The following CAMTA1 variants were observed in gnomAD, a reference collection of about 807,000 sequenced individuals.
The protein encoded by CAMTA1 is calmodulin binding transcription activator 1.
In CAMTA1, 27 loss-of-function variants were observed where a neutral mutation model predicts 170.9. The ratio of observed to expected loss-of-function variants is 0.16; its 90% confidence interval spans 0.12 to 0.22. The LOEUF is 0.22. Ranked by LOEUF, CAMTA1 falls within the 10% of genes least tolerant of loss-of-function variation. The pLI is 1.00. For missense variants in CAMTA1, 1,619 were observed against 2,217.2 expected, an observed-to-expected ratio of 0.73 and a Z score of 5.42; for synonymous variants, 833 against 891.5, an observed-to-expected ratio of 0.93 and a Z score of 1.17.
chr1:7,448,522 C>T lies in CAMTA1; in HGVS notation c.439-19308C>T, dbSNP rs1335866329. On this transcript the variant is annotated intron_variant, in intron 5 of 22. Transcript: ENST00000303635. ...TGTGGGTGGGGGACAGAGCCTGTCC[C>T]AGTCTGTCTGGGCTGCTATAACACA... is the stretch of plus-strand genomic sequence containing the variant. 6.6e-5 allele frequency among the ~76,000 whole-genome samples: 10 copies of T among 152,276 alleles called. No homozygotes were observed. In the East Asian group the frequency reaches 1.7e-3, roughly 26 times the overall value.
In CAMTA1 at chr1:7,766,678, G is replaced by T; in HGVS notation, c.*187G>T. 3.8e-6 allele frequency: 2 copies of T among 526,916 alleles called. No homozygotes were observed. Among genetic ancestry groups the T allele is most frequent in the Non-Finnish European group, 3.4e-6 (1 of 294,968 alleles). The allele number at this position is 526,916 out of a possible 1,614,324, so 32.6% of individuals were successfully genotyped here. ...GCAGGATTTTAACAGGAATGTTTTG[G>T]TCATTGCATTTGCACTTTCATGGAC... On this transcript the variant is annotated 3_prime_UTR_variant, in exon 23 of 23. Coordinates refer to ENST00000303635, the MANE Select transcript of CAMTA1 (RefSeq NM_015215.4).
intron 3 of CAMTA1, among the ~76,000 whole-genome samples, chr1:6,882,263 A>G (rs1166853133): frequency 1.3e-5 from 2 of 152,244 alleles, no homozygotes; most frequent in East Asian, 3.8e-4. Context: ...GCAACAGCCA[A>G]GCTAAGTAGT....
intron 4 of CAMTA1, among the ~76,000 whole-genome samples, chr1:7,241,115 A>G (rs1664789883): frequency 1.3e-5 from 2 of 152,256 alleles, no homozygotes; most frequent in Admixed American, 1.3e-4. Flanking sequence ...TAAGATCAAC[A>G]TACAAAATTC....
intron 11 of CAMTA1, among the ~76,000 whole-genome samples, chr1:7,728,395 C>T (rs1298737316): frequency 6.6e-6 from 1 of 152,250 alleles, no homozygotes; most frequent in Non-Finnish European, 1.5e-5. Context: ...GACCACAGCT[C>T]AGAGAGCACC....
chr1:7,327,392 G>A (rs1383801862), intron 5 of CAMTA1, among the ~76,000 whole-genome samples: 7 of 125,908 alleles, frequency 5.6e-5, no homozygotes, highest in African/African-American at 2.2e-4. Context: ...GGGCAACAGA[G>A]TGAGACTCCA....
intron 6 of CAMTA1, among the ~76,000 whole-genome samples, chr1:7,470,144 C>A (rs1575492338): frequency 6.6e-6 from 1 of 152,236 alleles, no homozygotes. Context: ...TCTGTGTCCT[C>A]CAGCATCAGA....
At chr1:7,184,823 G>A (rs10864286) in intron 4 of CAMTA1, among the ~76,000 whole-genome samples, 44,255 of 152,074 alleles carry the variant, frequency 0.29, 6,664 homozygotes, top group Non-Finnish European at 0.34. Context: ...GAAAGCAGCC[G>A]TATTTCAAAT....
intron 3 of CAMTA1, among the ~76,000 whole-genome samples, chr1:6,879,148 T>G (rs1670755421): frequency 1.3e-5 from 2 of 152,218 alleles, no homozygotes; most frequent in African/African-American, 2.4e-5. Context: ...ATCTTCACAT[T>G]AAAGAATATG....
chr1:7,617,717 A>AT (rs1298479566), intron 6 of CAMTA1, among the ~76,000 whole-genome samples: 1 of 109,156 alleles, frequency 9.2e-6, no homozygotes, highest in Non-Finnish European at 1.7e-5. Context: ...ATGCATACAC[A>AT]TAAGGTCTAA....
rs115981128 is a variant in CAMTA1, at chr1:7,249,921, G to C, written c.438+295G>C. Among the ~76,000 whole-genome samples, 950 of 152,250 alleles carry C rather than the reference G, an allele frequency of 6.2e-3. 12 individuals are homozygous for C. Among genetic ancestry groups the C allele is most frequent in the African/African-American group, 0.022 (920 of 41,526 alleles). On this transcript the variant is annotated intron_variant, in intron 5 of 22. Coordinates refer to ENST00000303635, the MANE Select transcript of CAMTA1 (RefSeq NM_015215.4). The surrounding 1 kb of genome is among the most constrained non-coding windows in gnomAD (Gnocchi z 4.4). ...CTCATTTGTTGTATTTATCACGGAA[G>C]AGCCTCTGGATGCATTGAGAGTTTG...
chr1:7,273,484 A>G (rs1363610943), intron 5 of CAMTA1, among the ~76,000 whole-genome samples: 1 of 152,232 alleles, frequency 6.6e-6, no homozygotes, highest in African/African-American at 2.4e-5. Flanking sequence ...AAGACCATAT[A>G]TTATGTGATA....
intron 3 of CAMTA1, among the ~76,000 whole-genome samples, chr1:6,996,689 AAAAGAAAG>A (rs575454704): frequency 1.1e-4 from 17 of 151,224 alleles, no homozygotes; most frequent in South Asian, 4.2e-4. Context: ...ATTTAAAAAA[AAAAGAAAG>A]AAAGAAAGAA....
intron 5 of CAMTA1, among the ~76,000 whole-genome samples, chr1:7,282,623 C>G (rs1671679535): frequency 6.6e-6 from 1 of 152,152 alleles, no homozygotes; most frequent in Admixed American, 6.5e-5. Context: ...CCTTCTGGAT[C>G]TAAAGCTCTA....
chr1:7,744,781 A>G lies in CAMTA1; in HGVS notation c.4183-54A>G, dbSNP rs563082912. On this transcript the variant is annotated intron_variant, in intron 16 of 22. Coordinates refer to ENST00000303635, the MANE Select transcript of CAMTA1 (RefSeq NM_015215.4). ...AGGCGAGGCAGGGAGGTAGACCTGG[A>G]TAACTTGTAAGGTTCCTTTCTAACC... 8.6e-6 allele frequency: 13 copies of G among 1,518,888 alleles called. No individual in the cohort carries two copies. The South Asian group carries it at 1.4e-4, about 16-fold the overall frequency. 94.1% of individuals were successfully genotyped at this position (1,518,888 alleles called of 1,614,324 possible). A position where few individuals can be genotyped will look rare whatever the true frequency, so the allele number is the denominator to read the frequency against.
intron 5 of CAMTA1, among the ~76,000 whole-genome samples, chr1:7,276,608 C>T (rs1200182747): frequency 6.6e-6 from 1 of 152,022 alleles, no homozygotes; most frequent in Non-Finnish European, 1.5e-5. Flanking sequence ...CGTGCCCAGG[C>T]ACCTGATCAT....
At chr1:7,441,141 T>C (rs1043183731) in intron 5 of CAMTA1, 2 of 152,230 alleles carry the variant, frequency 1.3e-5, no homozygotes, top group Non-Finnish European at 2.9e-5. Flanking sequence ...TTGTGGAGTT[T>C]TCTACTTCTG....
intron 6 of CAMTA1, among the ~76,000 whole-genome samples, chr1:7,469,740 G>T (rs984529257): frequency 6.6e-6 from 1 of 152,202 alleles, no homozygotes; most frequent in Admixed American, 6.5e-5. Flanking sequence ...TGCCCTTGTG[G>T]CTTTTTAATT....
rs142988985 is a variant in CAMTA1, at chr1:7,290,286, A to G, written c.438+40660A>G. On this transcript the variant is annotated intron_variant, in intron 5 of 22. Transcript: ENST00000303635. ...CCTTTGGCCTGGAGCTTTTTCCTGC[A>G]TCATATTCAGTCCCTCTGGATTTAG... 3.3e-5 allele frequency among the ~76,000 whole-genome samples: 5 copies of G among 152,304 alleles called. No individual in the cohort carries two copies. In the East Asian group the frequency reaches 9.7e-4, roughly 29 times the overall value.
chr1:7,053,865 G>A lies in CAMTA1; in HGVS notation c.235-37439G>A, dbSNP rs191082563. ...GAATGAATGAGTGAATGAATGCTGC[G>A]TGGAATCTGGAGTCTTCCTGGTGGG... On this transcript the variant is annotated intron_variant, in intron 3 of 22. Coordinates refer to ENST00000303635, the MANE Select transcript of CAMTA1 (RefSeq NM_015215.4). Among the ~76,000 whole-genome samples, 287 of 152,356 alleles carry A rather than the reference G, an allele frequency of 1.9e-3. 1 individual carries two copies. The highest frequency in any genetic ancestry group is 3.0e-3 in the Non-Finnish European group (201 of 68,028).
Sources: allele counts gnomAD v4.1 joint callset (sites outside exome capture counted in the v4.1 genomes callset), GRCh38; gene constraint gnomAD v4.1.1; non-coding constraint Gnocchi (gnomAD v3.1); transcripts MANE v1.5; gene names NCBI Gene and HGNC (gene_info 2026-07-23, HGNC 2026-07-21).